The following DIP2C variants were observed in gnomAD, a reference collection of about 807,000 sequenced individuals.
DIP2C encodes disco-interacting protein 2 homolog C.
Under a neutral mutation model 192.4 loss-of-function variants are expected in DIP2C, and 33 were observed. That is an observed-to-expected ratio of 0.17 (90% CI 0.13 to 0.23). The LOEUF (loss-of-function observed/expected upper bound fraction) is 0.23, where lower values mean the gene tolerates loss of function less well. Ranked by LOEUF, DIP2C falls within the 10% of genes least tolerant of loss-of-function variation. The probability of loss-of-function intolerance (pLI) is 1.00; values close to 1 mark genes in which losing one functional copy is unlikely to be tolerated. For synonymous variants in DIP2C, 979 were observed against 864.1 expected, an observed-to-expected ratio of 1.13 and a Z score of -2.33; for missense variants, 1,537 against 2,110.1, an observed-to-expected ratio of 0.73 and a Z score of 5.32.
chr10:336,717 C>T (rs865802169), intron 29 of DIP2C, among the ~76,000 whole-genome samples: 1 of 152,078 alleles, frequency 6.6e-6, no homozygotes, highest in South Asian at 2.1e-4. Flanking sequence ...TATTGTTATC[C>T]TAGGAGATCA....
chr10:281,686 C>A (rs1325499876), intron 35 of DIP2C, among the ~76,000 whole-genome samples: 1 of 152,252 alleles, frequency 6.6e-6, no homozygotes, highest in Non-Finnish European at 1.5e-5. Context: ...GACCCATCGG[C>A]TGAGGCCTCG....
At chr10:492,533 T>TA (rs1024638633) in intron 1 of DIP2C, among the ~76,000 whole-genome samples, 1 of 152,238 alleles carries the variant, frequency 6.6e-6, no homozygotes, top group African/African-American at 2.4e-5. Flanking sequence ...TTTTGCTTAA[T>TA]AAAAAACATT....
chr10:633,991 T>G (rs1564289618), intron 1 of DIP2C, among the ~76,000 whole-genome samples: 1 of 152,238 alleles, frequency 6.6e-6, no homozygotes, highest in African/African-American at 2.4e-5. Flanking sequence ...GCTTCACTGC[T>G]GAAGGGACAA....
intron 1 of DIP2C, among the ~76,000 whole-genome samples, chr10:550,961 T>C (rs1312606070): frequency 6.6e-6 from 1 of 152,036 alleles, no homozygotes; most frequent in Non-Finnish European, 1.5e-5. Context: ...CACTGGACAC[T>C]GTGGCTCTGG....
chr10:487,478 C>G lies in DIP2C; in HGVS notation c.86-948G>C, dbSNP rs562594542. Among the ~76,000 whole-genome samples, 3 of 150,488 alleles carry G rather than the reference C, an allele frequency of 2.0e-5. No homozygotes were observed. The South Asian group carries it at 6.4e-4, about 32-fold the overall frequency. ...CAACTCACAGCTCATGATACAGGTT[C>G]TCGTCTCCCCCACGGAACACAAGGC... On this transcript the variant is annotated intron_variant, in intron 1 of 36. Transcript: ENST00000280886.
At chr10:438,988 A>AT (rs1448770038) in intron 4 of DIP2C, among the ~76,000 whole-genome samples, 1 of 151,938 alleles carries the variant, frequency 6.6e-6, no homozygotes, top group Non-Finnish European at 1.5e-5. Context: ...GGCCCAGCTA[A>AT]TTTTTTGTAC....
intron 2 of DIP2C, among the ~76,000 whole-genome samples, chr10:477,958 AAAGAG>A (rs1206322740): frequency 1.1e-5 from 1 of 95,072 alleles, no homozygotes; most frequent in African/African-American, 4.4e-5. Flanking sequence ...GAAGGAAAGA[AAAGAG>A]AAGGAAGGGA....
chr10:602,248 C>A (rs897201404), intron 1 of DIP2C, among the ~76,000 whole-genome samples: 2 of 152,292 alleles, frequency 1.3e-5, no homozygotes, highest in East Asian at 3.9e-4. Context: ...TTCTGATTCC[C>A]AGAGGGTCTC....
At position 344,888 on chromosome 10, in the gene DIP2C, A is replaced by C. The variant is rs189598710; in HGVS notation, c.3374T>G (p.Ile1125Ser). Residue 1125 changes from isoleucine to serine, a missense_variant, in exon 28 of 37, where the codon ATC (isoleucine) becomes AGC (serine). Ile to Ser is a moderately radical substitution (Grantham distance 142, BLOSUM62 -2). Transcript: ENST00000280886. ...DDLPKKRPAQ[I>S]CKPCNPDTLA... is the part of the protein sequence containing the mutation. ...AGTGTCTGGGTTGCAAGGTTTGCAG[A>C]TCTGGGCAGGCCGCTTCTTTGGCAA... The C allele has an allele frequency of 7.5e-6, 12 of 1,607,920 alleles. No individual in the cohort carries two copies. Among genetic ancestry groups the C allele is most frequent in the Middle Eastern group, 2.0e-4 (1 of 4,884 alleles).
intron 1 of DIP2C, among the ~76,000 whole-genome samples, chr10:541,503 A>T (rs184870363): frequency 1.4e-5 from 1 of 72,394 alleles, no homozygotes; most frequent in Non-Finnish European, 2.7e-5. Flanking sequence ...ATCCCACAGC[A>T]TGACCCTCCA....
At chr10:293,169 A>G (rs908638354) in intron 32 of DIP2C, among the ~76,000 whole-genome samples, 2 of 152,154 alleles carry the variant, frequency 1.3e-5, no homozygotes, top group Non-Finnish European at 2.9e-5. Flanking sequence ...TGCCCACACC[A>G]CTACTCAGCA....
At chr10:309,986 A>G (rs1365375694) in intron 32 of DIP2C, 45 bp downstream of exon 32, 1 of 1,601,498 alleles carries the variant, frequency 6.2e-7, no homozygotes, top group Admixed American at 1.7e-5. Context: ...CCGCAGAACA[A>G]AACAAAAAAA....
At chr10:629,243 T>C (rs1854370273) in intron 1 of DIP2C, among the ~76,000 whole-genome samples, 1 of 152,126 alleles carries the variant, frequency 6.6e-6, no homozygotes, top group Admixed American at 6.5e-5. Context: ...ATTCTCCTCA[T>C]GGTCCCAAGA....
intron 32 of DIP2C, among the ~76,000 whole-genome samples, chr10:309,046 C>A (rs534469152): frequency 1.3e-5 from 2 of 152,182 alleles, no homozygotes; most frequent in African/African-American, 2.4e-5. Context: ...CTGCTGACGG[C>A]GATAAGGGAA....
rs145506764 is a variant in DIP2C at position 338,913 on chromosome 10, G to T, written c.3584+2286C>A. 2.8e-5 allele frequency among the ~76,000 whole-genome samples: 4 copies of T among 141,868 alleles called. No homozygotes were observed. The East Asian group carries it at 6.2e-4, about 22-fold the overall frequency. 93.1% of individuals were successfully genotyped at this position (141,868 alleles called of 152,430 possible). On this transcript the variant is annotated intron_variant, in intron 29 of 36. Coordinates refer to ENST00000280886, the MANE Select transcript of DIP2C (RefSeq NM_014974.3). ...ACCCTGCCTGGCTCCCACAGCCCAC[G>T]CCACCTGCACCCTGCACCCTGCCTG...
intron 1 of DIP2C, among the ~76,000 whole-genome samples, chr10:507,683 G>A (rs1250513661): frequency 2.6e-5 from 4 of 152,174 alleles, no homozygotes; most frequent in South Asian, 2.1e-4. Flanking sequence ...CTTTGAAAAC[G>A]ATACATATGC....
At chr10:349,568 G>A in intron 24 of DIP2C, 114 bp from the exon 25 acceptor site, 1 of 1,424,758 alleles carries the variant, frequency 7.0e-7, no homozygotes, top group South Asian at 1.4e-5. Flanking sequence ...CTGGTTTTTA[G>A]AACAAGCACA....
At chr10:362,170 A>G (rs1446675820) in intron 22 of DIP2C, among the ~76,000 whole-genome samples, 3 of 152,174 alleles carry the variant, frequency 2.0e-5, no homozygotes, top group African/African-American at 7.2e-5. Flanking sequence ...TGTGAACCCA[A>G]TGTGCTTAGA....
At position 355,400 on chromosome 10, in the gene DIP2C, G is replaced by A. The variant is rs527629139; in HGVS notation, c.2985+1026C>T. 3.3e-5 allele frequency among the ~76,000 whole-genome samples: 5 copies of A among 152,318 alleles called. No homozygotes were observed. In the East Asian group the frequency reaches 9.6e-4, roughly 29 times the overall value. ...AACCAGAGAGTCGGGGAATAATTTC[G>A]TGATGCTGCTGGCATTTCCTTTTGT... On this transcript the variant is annotated intron_variant, in intron 24 of 36. Transcript: ENST00000280886.
Sources: allele counts gnomAD v4.1 joint callset (sites outside exome capture counted in the v4.1 genomes callset), GRCh38; gene constraint gnomAD v4.1.1; transcripts MANE v1.5; gene names NCBI Gene and HGNC (gene_info 2026-07-23, HGNC 2026-07-21).